The following SGK3 variants were observed in gnomAD, a reference collection of about 807,000 sequenced individuals.
SGK3 encodes serum/glucocorticoid regulated kinase family member 3.
SGK3 carries 47 observed loss-of-function variants against 68.5 expected under a neutral mutation model. The ratio of observed to expected loss-of-function variants is 0.69; its 90% CI spans 0.54 to 0.87. The LOEUF (loss-of-function observed/expected upper bound fraction) is 0.87. SGK3 is among the 40% of genes least tolerant of loss of function. The pLI, the probability that SGK3 is intolerant of heterozygous loss-of-function variation, is 0.00. For synonymous variants in SGK3, 181 were observed against 189.1 expected (o/e 0.96, Z 0.35); for missense variants, 479 against 575.5 (o/e 0.83, Z 1.72).
At chr8:66,798,750 G>A (rs1807806934) in intron 3 of SGK3, 125 bp downstream of exon 3, 3 of 793,206 alleles carry the variant, frequency 3.8e-6, no homozygotes, top group Non-Finnish European at 5.6e-6. Context: ...GCAGACAAAG[G>A]TAAGAGATTC....
At chr8:66,755,320 G>A (rs1249303704) in intron 1 of SGK3, among the ~76,000 whole-genome samples, 3 of 151,576 alleles carry the variant, frequency 2.0e-5, no homozygotes, top group Non-Finnish European at 2.9e-5. Context: ...GTCTCTGCCT[G>A]TGATGCTGTG....
Position 66,772,298 on chromosome 8 carries a change from G to A in SGK3, c.-121-21318G>A, listed in dbSNP as rs534533254. Among the ~76,000 whole-genome samples, 72 of 149,748 alleles carry A rather than the reference G, an allele frequency of 4.8e-4. 1 individual carries two copies. Among genetic ancestry groups the A allele is most frequent in the Non-Finnish European group, 6.8e-4 (46 of 67,594 alleles). On this transcript the variant is annotated intron_variant, in intron 1 of 16. Coordinates refer to ENST00000521198, the MANE Select transcript of SGK3 (RefSeq NM_001033578.3). ...AGACGGAGTCTCTCTGTATTGCTGC[G>A]GCTGCTCTCGAACACCAAGGCTCAA...
chr8:66,731,417 C>G (rs745593972), intron 1 of SGK3, among the ~76,000 whole-genome samples: 1 of 152,074 alleles, frequency 6.6e-6, no homozygotes, highest in South Asian at 2.1e-4. Flanking sequence ...AATTCGTTAC[C>G]AAGATAAAAG....
chr8:66,794,822 G>A (rs114687522), intron 2 of SGK3, among the ~76,000 whole-genome samples: 1,668 of 152,280 alleles, frequency 0.011, 24 homozygotes, highest in African/African-American at 0.036. Flanking sequence ...TGCCATTTGA[G>A]CTATAAAGTG....
intron 2 of SGK3, among the ~76,000 whole-genome samples, chr8:66,794,885 C>A (rs948778255): frequency 1.3e-5 from 2 of 152,224 alleles, no homozygotes; most frequent in Non-Finnish European, 2.9e-5. Flanking sequence ...GGGCATTTTG[C>A]TGGCATCCAT....
intron 1 of SGK3, among the ~76,000 whole-genome samples, chr8:66,720,825 G>A (rs1431601111): frequency 6.6e-6 from 1 of 150,510 alleles, no homozygotes; most frequent in Non-Finnish European, 1.5e-5. Flanking sequence ...ACACACCTGT[G>A]GCCCCAGCTA....
At chr8:66,819,780 AGTTTTTGTTTTTTTT>A (rs1378642004) in intron 5 of SGK3, among the ~76,000 whole-genome samples, 1 of 151,556 alleles carries the variant, frequency 6.6e-6, no homozygotes, top group African/African-American at 2.4e-5. Flanking sequence ...ACAATTCAGT[AGTTTTTGTTTTTTTT>A]GTTTTTGTTT....
chr8:66,850,167 C>A (rs193243668), intron 15 of SGK3, among the ~76,000 whole-genome samples: 306 of 152,324 alleles, frequency 2.0e-3, no homozygotes, highest in African/African-American at 6.9e-3. Flanking sequence ...CTGGAACATG[C>A]TCTCCCCATT....
intron 2 of SGK3, 102 bp from the exon 3 acceptor site, chr8:66,798,440 T>C: frequency 1.2e-6 from 1 of 860,042 alleles, no homozygotes; most frequent in Non-Finnish European, 1.7e-6. Context: ...CCAGACTGTC[T>C]CAAAAAAAAA....
At chr8:66,716,652 A>G (rs1057300964) in intron 1 of SGK3, among the ~76,000 whole-genome samples, 1 of 152,030 alleles carries the variant, frequency 6.6e-6, no homozygotes, top group African/African-American at 2.4e-5. Flanking sequence ...CGGAAAATGG[A>G]GATGTGTGTG....
chr8:66,728,670 A>T (rs938401923), intron 1 of SGK3, among the ~76,000 whole-genome samples: 2 of 152,090 alleles, frequency 1.3e-5, no homozygotes, highest in African/African-American at 4.8e-5. Context: ...TGGGATGCCA[A>T]GGTGGGAGGA....
chr8:66,778,500 G>A (rs1323265132), intron 1 of SGK3, among the ~76,000 whole-genome samples: 1 of 152,186 alleles, frequency 6.6e-6, no homozygotes, highest in Non-Finnish European at 1.5e-5. Flanking sequence ...GTTTCACCGT[G>A]TTAGCCAGGA....
chr8:66,796,321 ATTTTTT>A (rs71249408), intron 2 of SGK3, among the ~76,000 whole-genome samples: 2,662 of 41,306 alleles, frequency 0.064, 84 homozygotes, highest in African/African-American at 0.16. Flanking sequence ...TATTTTTTGT[ATTTTTT>A]TTTTTTTTTT....
chr8:66,771,205 TC>T (rs776118814), intron 1 of SGK3, among the ~76,000 whole-genome samples: 1 of 152,158 alleles, frequency 6.6e-6, no homozygotes, highest in Non-Finnish European at 1.5e-5. Context: ...ACCAATAGCC[TC>T]TGGTACAACC....
intron 1 of SGK3, among the ~76,000 whole-genome samples, chr8:66,727,536 C>T (rs2130356387): frequency 6.6e-6 from 1 of 152,310 alleles, no homozygotes; most frequent in East Asian, 1.9e-4. Context: ...AATACAACAG[C>T]ATTGGGAGGT....
intron 5 of SGK3, among the ~76,000 whole-genome samples, chr8:66,816,962 C>T (rs1808611406): frequency 6.6e-6 from 1 of 152,020 alleles, no homozygotes; most frequent in Non-Finnish European, 1.5e-5. Context: ...TCCTGAGTAG[C>T]TGGGATTACA....
chr8:66,818,276 C>CCAAAACAAAA (rs1483619141), intron 5 of SGK3, among the ~76,000 whole-genome samples: 1 of 152,062 alleles, frequency 6.6e-6, no homozygotes, highest in Non-Finnish European at 1.5e-5. Flanking sequence ...ACTTGACACA[C>CCAAAACAAAA]CAAAACAAAA....
intron 1 of SGK3, among the ~76,000 whole-genome samples, chr8:66,774,667 T>C (rs1806623795): frequency 6.6e-6 from 1 of 152,120 alleles, no homozygotes; most frequent in Non-Finnish European, 1.5e-5. Context: ...ACGAGATTGA[T>C]TAACAATTTA....
intron 1 of SGK3, among the ~76,000 whole-genome samples, chr8:66,739,131 A>G (rs1037756851): frequency 2.6e-5 from 4 of 152,058 alleles, no homozygotes; most frequent in African/African-American, 9.7e-5. Context: ...GAAAAGAGAA[A>G]CCTCTTTATT....
Sources: gnomAD v4.1 joint callset for allele counts (sites outside exome capture counted in the v4.1 genomes callset) on GRCh38, gnomAD v4.1.1 for gene constraint, MANE v1.5 for transcripts, NCBI Gene and HGNC (gene_info 2026-07-23, HGNC 2026-07-21) for gene names.